DOCK4: variants seen among roughly 807,000 people sequenced by gnomAD.
The protein encoded by DOCK4 is dedicator of cytokinesis 4.
In DOCK4, 97 loss-of-function variants were observed where a neutral mutation model predicts 268.1. That is an observed-to-expected ratio of 0.36 (90% CI 0.31 to 0.43). The LOEUF is 0.43. Ranked by LOEUF, DOCK4 falls within the 20% of genes least tolerant of loss-of-function variation. The pLI is 1.00. For synonymous variants in DOCK4, 954 were observed against 887.2 expected (o/e 1.08, Z -1.34); for missense variants, 2,145 against 2,455.7 (o/e 0.87, Z 2.67).
At chr7:112,125,206 G>A (rs371041917) in intron 1 of DOCK4, among the ~76,000 whole-genome samples, 28 of 151,984 alleles carry the variant, frequency 1.8e-4, no homozygotes, top group African/African-American at 5.8e-4. Flanking sequence ...ACAGTGTGTC[G>A]GGAAAATCAT....
At chr7:111,737,699 A>G (rs1282047738) in intron 49 of DOCK4, among the ~76,000 whole-genome samples, 1 of 152,208 alleles carries the variant, frequency 6.6e-6, no homozygotes, top group African/African-American at 2.4e-5. Flanking sequence ...AGTGCACACT[A>G]TTGAAATTTA....
chr7:112,067,381 G>A (rs1807177446), intron 1 of DOCK4, among the ~76,000 whole-genome samples: 1 of 152,110 alleles, frequency 6.6e-6, no homozygotes, highest in Non-Finnish European at 1.5e-5. Flanking sequence ...CTTTCTGGAT[G>A]GCTGGCCAGG....
chr7:111,811,282 G>A (rs977720377), intron 28 of DOCK4, among the ~76,000 whole-genome samples: 3 of 152,082 alleles, frequency 2.0e-5, no homozygotes, highest in Non-Finnish European at 2.9e-5. Flanking sequence ...TCAAAACAGA[G>A]TAAGAAGAAA....
chr7:112,058,553 T>C (rs564787609), intron 1 of DOCK4, among the ~76,000 whole-genome samples: 36 of 152,256 alleles, frequency 2.4e-4, no homozygotes, highest in Admixed American at 2.3e-3. Context: ...TGCTCCCTGT[T>C]TTATTAACCC....
chr7:111,885,274 A>G (rs1258958310), intron 16 of DOCK4, among the ~76,000 whole-genome samples: 1 of 152,240 alleles, frequency 6.6e-6, no homozygotes, highest in Non-Finnish European at 1.5e-5. Flanking sequence ...CTTTGTTACC[A>G]TGGTAAAATC....
At chr7:112,034,479 GA>G (rs763919304) in intron 1 of DOCK4, among the ~76,000 whole-genome samples, 2 of 152,164 alleles carry the variant, frequency 1.3e-5, no homozygotes, top group African/African-American at 2.4e-5. Context: ...TATAAAGAAA[GA>G]AACAACCCTT....
intron 1 of DOCK4, among the ~76,000 whole-genome samples, chr7:112,034,960 C>T (rs1480246937): frequency 1.3e-5 from 2 of 152,066 alleles, no homozygotes; most frequent in Admixed American, 6.6e-5. Flanking sequence ...GGTAACCAGC[C>T]ATCTTTTTAT....
intron 1 of DOCK4, among the ~76,000 whole-genome samples, chr7:112,053,268 T>C (rs1805526405): frequency 6.6e-6 from 1 of 152,112 alleles, no homozygotes; most frequent in South Asian, 2.1e-4. Flanking sequence ...GGATTTGAAG[T>C]TCAAGGTAAG....
intron 40 of DOCK4, 104 bp from the exon 41 acceptor site, chr7:111,758,894 G>C: frequency 3.8e-6 from 4 of 1,061,512 alleles, no homozygotes; most frequent in Non-Finnish European, 5.4e-6. Flanking sequence ...ACAATCTTCT[G>C]TTTCCATTTC....
At chr7:112,008,305 T>A (rs534470000) in intron 1 of DOCK4, among the ~76,000 whole-genome samples, 1 of 152,232 alleles carries the variant, frequency 6.6e-6, no homozygotes, top group South Asian at 2.1e-4. Flanking sequence ...TATATGTATA[T>A]AAACCCAGTT....
chr7:112,042,434 A>G (rs1051157644), intron 1 of DOCK4, among the ~76,000 whole-genome samples: 2 of 152,124 alleles, frequency 1.3e-5, no homozygotes, highest in African/African-American at 4.8e-5. Context: ...CCTACCAAAC[A>G]ATATTGAACA....
chr7:112,115,420 C>T (rs1812043130), intron 1 of DOCK4, among the ~76,000 whole-genome samples: 1 of 152,212 alleles, frequency 6.6e-6, no homozygotes, highest in African/African-American at 2.4e-5. Flanking sequence ...CTGCTTTGGA[C>T]ACCTGCAGCC....
intron 26 of DOCK4, among the ~76,000 whole-genome samples, chr7:111,834,281 G>A (rs187961686): frequency 4.6e-5 from 7 of 152,218 alleles, no homozygotes; most frequent in Admixed American, 2.6e-4. Context: ...CTAGGTTCAC[G>A]TAGTTAATCT....
intron 13 of DOCK4, among the ~76,000 whole-genome samples, chr7:111,904,765 G>T (rs1459652057): frequency 6.6e-6 from 1 of 152,148 alleles, no homozygotes; most frequent in Non-Finnish European, 1.5e-5. Context: ...TGGGTCTCAG[G>T]TTTTTGTTAT....
intron 11 of DOCK4, among the ~76,000 whole-genome samples, chr7:111,937,547 G>A (rs1435342667): frequency 6.6e-6 from 1 of 152,194 alleles, no homozygotes; most frequent in Non-Finnish European, 1.5e-5. Flanking sequence ...GCCTCATAAA[G>A]GGTGATGATG....
At chr7:112,133,569 A>G (rs1198776569) in intron 1 of DOCK4, among the ~76,000 whole-genome samples, 1 of 152,062 alleles carries the variant, frequency 6.6e-6, no homozygotes, top group African/African-American at 2.4e-5. Flanking sequence ...CGTCTCTCCT[A>G]AAATAGCCGG....
At chr7:112,138,486 G>C (rs1008189862) in intron 1 of DOCK4, among the ~76,000 whole-genome samples, 3 of 152,178 alleles carry the variant, frequency 2.0e-5, no homozygotes, top group African/African-American at 7.2e-5. Context: ...AGTATTTGCA[G>C]AAGAAATTTT....
chr7:112,000,209 T>C (rs989814010), intron 3 of DOCK4, among the ~76,000 whole-genome samples: 1 of 152,156 alleles, frequency 6.6e-6, no homozygotes, highest in Non-Finnish European at 1.5e-5. Context: ...AATTTTAATT[T>C]AGCTCTCTGA....
At chr7:111,760,121 T>C (rs1266008889) in intron 40 of DOCK4, 60 bp downstream of exon 40, 1 of 1,587,764 alleles carries the variant, frequency 6.3e-7, no homozygotes, top group African/African-American at 1.3e-5. Flanking sequence ...TGCATGGAAA[T>C]GCTCTGCAGC....
Sources: allele counts gnomAD v4.1 joint callset (sites outside exome capture counted in the v4.1 genomes callset), GRCh38; gene constraint gnomAD v4.1.1; transcripts MANE v1.5; gene names NCBI Gene and HGNC (gene_info 2026-07-23, HGNC 2026-07-21).